Variants in CSMD1 observed in about 807,000 individuals in gnomAD.
CSMD1 encodes CUB and Sushi multiple domains 1.
In CSMD1, 213 loss-of-function variants were observed where a neutral mutation model predicts 417.5. The observed-to-expected ratio is 0.51, with a 90% CI of 0.46 to 0.57. CSMD1 has a LOEUF of 0.57. CSMD1 is among the 20% of genes least tolerant of loss of function. CSMD1 has a pLI of 0.00. For synonymous variants in CSMD1, 2,862 were observed against 1,736.8 expected, an observed-to-expected ratio of 1.65 and a Z score of -16.11; for missense variants, 6,923 against 4,529.7, an observed-to-expected ratio of 1.53 and a Z score of -15.17.
intron 3 of CSMD1, among the ~76,000 whole-genome samples, chr8:4,257,620 G>C (rs1465605631): frequency 2.0e-5 from 3 of 152,146 alleles, no homozygotes; most frequent in Admixed American, 1.3e-4. Flanking sequence ...TGAAAAGTTT[G>C]TCCTACTGTT....
intron 5 of CSMD1, among the ~76,000 whole-genome samples, chr8:3,852,883 G>T (rs1019963794): frequency 1.3e-5 from 2 of 152,094 alleles, no homozygotes; most frequent in African/African-American, 4.8e-5. Flanking sequence ...ATCCACGCAG[G>T]TTCCTATTTC....
intron 49 of CSMD1, among the ~76,000 whole-genome samples, chr8:3,086,641 T>G (rs907985357): frequency 5.9e-5 from 9 of 152,104 alleles, no homozygotes; most frequent in Admixed American, 5.2e-4. Flanking sequence ...AAAAAAGGCA[T>G]GAAATACTGA....
intron 3 of CSMD1, among the ~76,000 whole-genome samples, chr8:4,083,708 T>G (rs903185949): frequency 6.6e-6 from 1 of 152,038 alleles, no homozygotes; most frequent in African/African-American, 2.4e-5. Flanking sequence ...GATTAAAGAC[T>G]TAAACGTTAG....
intron 1 of CSMD1, among the ~76,000 whole-genome samples, chr8:4,961,851 TTTCAC>T (rs768068598): frequency 6.6e-6 from 1 of 151,748 alleles, no homozygotes; most frequent in Non-Finnish European, 1.5e-5. Flanking sequence ...CACGTCTTGA[TTTCAC>T]TTTAAATTTT....
intron 68 of CSMD1, among the ~76,000 whole-genome samples, chr8:2,945,816 G>A (rs994210381): frequency 6.6e-6 from 1 of 152,084 alleles, no homozygotes; most frequent in African/African-American, 2.4e-5. Flanking sequence ...CTACTACAAT[G>A]ATAAATCAAA....
At chr8:3,597,555 G>A (rs561159831) in intron 8 of CSMD1, among the ~76,000 whole-genome samples, 62 of 152,230 alleles carry the variant, frequency 4.1e-4, no homozygotes, top group Admixed American at 1.7e-3. Context: ...AGGTACTGAG[G>A]CCAAGAATTG....
intron 3 of CSMD1, among the ~76,000 whole-genome samples, chr8:4,292,471 C>G (rs1352360295): frequency 6.6e-6 from 1 of 152,086 alleles, no homozygotes; most frequent in Non-Finnish European, 1.5e-5. Context: ...TCAGAATGGT[C>G]TCGATCTGCT....
chr8:4,823,451 A>G (rs1452779211), intron 1 of CSMD1, among the ~76,000 whole-genome samples: 2 of 152,020 alleles, frequency 1.3e-5, no homozygotes, highest in East Asian at 3.9e-4. Flanking sequence ...ACTCACTGGT[A>G]AAATGGGGTA....
At chr8:3,781,614 C>G (rs1283130164) in intron 5 of CSMD1, among the ~76,000 whole-genome samples, 2 of 152,290 alleles carry the variant, frequency 1.3e-5, no homozygotes, top group South Asian at 4.1e-4. Flanking sequence ...GTCTCACATA[C>G]CATCAAGAAA....
chr8:4,815,142 G>C (rs1799132832), intron 1 of CSMD1, among the ~76,000 whole-genome samples: 2 of 152,102 alleles, frequency 1.3e-5, no homozygotes, highest in Admixed American at 6.5e-5. Flanking sequence ...TCAATATCAG[G>C]AAGAGTTGGA....
chr8:4,274,497 A>T (rs1796363174), intron 3 of CSMD1, among the ~76,000 whole-genome samples: 1 of 152,102 alleles, frequency 6.6e-6, no homozygotes, highest in African/African-American at 2.4e-5. Flanking sequence ...CCAAGCAAAT[A>T]ACTGTTTCTT....
intron 46 of CSMD1, 106 bp from the exon 47 acceptor site, chr8:3,097,143 T>C (rs2129010990): frequency 3.2e-6 from 3 of 925,810 alleles, no homozygotes; most frequent in Non-Finnish European, 4.7e-6. Context: ...GAAAAAGCAA[T>C]CTTATTGAGC....
chr8:3,762,680 G>C (rs1388411815), intron 5 of CSMD1, among the ~76,000 whole-genome samples: 1 of 152,220 alleles, frequency 6.6e-6, no homozygotes, highest in South Asian at 2.1e-4. Flanking sequence ...CTGGTGCCCA[G>C]AGAAAGAGAG....
intron 3 of CSMD1, among the ~76,000 whole-genome samples, chr8:4,243,752 T>C (rs575530434): frequency 6.2e-4 from 95 of 152,334 alleles, no homozygotes; most frequent in African/African-American, 2.1e-3. Context: ...CATTTTGCCG[T>C]GTCATCATTC....
intron 5 of CSMD1, among the ~76,000 whole-genome samples, chr8:3,760,018 A>G (rs1387501388): frequency 6.6e-6 from 1 of 152,114 alleles, no homozygotes; most frequent in Admixed American, 6.6e-5. Context: ...ATGTCCAGAA[A>G]CACAGGACAC....
At chr8:4,152,017 T>C (rs185833162) in intron 3 of CSMD1, among the ~76,000 whole-genome samples, 108 of 152,268 alleles carry the variant, frequency 7.1e-4, no homozygotes, top group African/African-American at 2.1e-3. Context: ...ACGTAATCAA[T>C]GTGTTTAGCT....
intron 2 of CSMD1, among the ~76,000 whole-genome samples, chr8:4,613,409 C>G (rs1295338737): frequency 1.3e-5 from 2 of 152,146 alleles, no homozygotes; most frequent in Non-Finnish European, 2.9e-5. Context: ...CTTAGGCAAG[C>G]TCATGCTACT....
chr8:3,882,964 A>C (rs1174729755), intron 5 of CSMD1, among the ~76,000 whole-genome samples: 1 of 152,132 alleles, frequency 6.6e-6, no homozygotes, highest in East Asian at 1.9e-4. Context: ...CTCTCTGCGA[A>C]AGTTTGTTGA....
intron 3 of CSMD1, among the ~76,000 whole-genome samples, chr8:4,416,833 G>C (rs1193955630): frequency 1.3e-5 from 2 of 151,954 alleles, no homozygotes; most frequent in East Asian, 1.9e-4. Flanking sequence ...TTTAATACTT[G>C]AGATTTTGAT....
Sources: allele counts gnomAD v4.1 joint callset (sites outside exome capture counted in the v4.1 genomes callset), GRCh38; gene constraint gnomAD v4.1.1; transcripts MANE v1.5; gene names NCBI Gene and HGNC (gene_info 2026-07-23, HGNC 2026-07-21).